UBR1: variants seen among roughly 807,000 people sequenced by gnomAD.
UBR1 encodes E3 ubiquitin-protein ligase UBR1.
In UBR1, 102 loss-of-function variants were observed where a neutral mutation model predicts 242.1. That is an observed-to-expected ratio of 0.42 (90% CI 0.36 to 0.50). The LOEUF (loss-of-function observed/expected upper bound fraction) is 0.50. Ranked by LOEUF, UBR1 falls within the 20% of genes least tolerant of loss-of-function variation. UBR1 has a pLI of 0.01. For missense variants in UBR1, 1,772 were observed against 2,101.8 expected, an observed-to-expected ratio of 0.84 and a Z score of 3.07; for synonymous variants, 675 against 684.8, an observed-to-expected ratio of 0.99 and a Z score of 0.22.
At chr15:42,949,170 A>G (rs2031786226) in intron 46 of UBR1, among the ~76,000 whole-genome samples, 1 of 151,232 alleles carries the variant, frequency 6.6e-6, no homozygotes, top group Non-Finnish European at 1.5e-5. Flanking sequence ...TCAGTAAACT[A>G]TTGCAAGGAC....
chr15:42,955,996 G>A (rs1476903564), intron 44 of UBR1, among the ~76,000 whole-genome samples: 1 of 152,098 alleles, frequency 6.6e-6, no homozygotes, highest in Non-Finnish European at 1.5e-5. Context: ...TTTTCCACTT[G>A]AAATTATCAG....
intron 33 of UBR1, 120 bp downstream of exon 33, chr15:42,998,048 A>G: frequency 1.1e-6 from 1 of 909,314 alleles, no homozygotes; most frequent in Non-Finnish European, 1.6e-6. Context: ...AAAAACTTCT[A>G]TTTCCTGATA....
At position 43,015,976 on chromosome 15, in the gene UBR1, C is replaced by A. The variant is rs1468534812; in HGVS notation, c.3028-107G>T. 5 of 946,258 alleles carry A rather than the reference C, an allele frequency of 5.3e-6. No homozygotes were observed. In the East Asian group the frequency reaches 1.0e-4, roughly 19 times the overall value. The allele number at this position is 946,258 out of a possible 1,614,324, so 58.6% of individuals were successfully genotyped here. A position where few individuals can be genotyped will look rare whatever the true frequency, so the allele number is the denominator to read the frequency against. Reference sequence around the variant, plus strand: ...GAATAAGATTCTGAAACCCTGATTACCCCTTACATCCTGGATTCAGTTTAA... The same window carrying A: ...GAATAAGATTCTGAAACCCTGATTAACCCTTACATCCTGGATTCAGTTTAA... On this transcript the variant is annotated intron_variant, in intron 28 of 46. Coordinates refer to ENST00000290650, the MANE Select transcript of UBR1 (RefSeq NM_174916.3).
chr15:43,085,150 T>C (rs1009607196), intron 2 of UBR1, among the ~76,000 whole-genome samples: 1 of 152,246 alleles, frequency 6.6e-6, no homozygotes, highest in African/African-American at 2.4e-5. Flanking sequence ...CTGAAAGGTT[T>C]TGGGATTGTA....
At chr15:43,038,042 T>C in intron 16 of UBR1, 129 bp downstream of exon 16, 1 of 1,228,672 alleles carries the variant, frequency 8.1e-7, no homozygotes, top group Non-Finnish European at 1.2e-6. Flanking sequence ...ATGTACTATA[T>C]GAAGATGTAA....
intron 15 of UBR1, among the ~76,000 whole-genome samples, chr15:43,039,522 T>A (rs2033388392): frequency 6.6e-6 from 1 of 152,234 alleles, no homozygotes; most frequent in South Asian, 2.1e-4. Context: ...TTTTGCACAT[T>A]GATTTTGTAT....
intron 35 of UBR1, among the ~76,000 whole-genome samples, chr15:42,987,543 G>T (rs990853296): frequency 1.3e-5 from 2 of 151,730 alleles, no homozygotes; most frequent in East Asian, 3.9e-4. Context: ...GTGAAACCCC[G>T]TCTCTACTAA....
At chr15:42,980,591 T>A (rs1261943664) in intron 37 of UBR1, among the ~76,000 whole-genome samples, 3 of 150,566 alleles carry the variant, frequency 2.0e-5, no homozygotes, top group Non-Finnish European at 4.4e-5. Context: ...TATCTATCTA[T>A]CCATCCATCC....
At position 43,034,509 on chromosome 15, in the gene UBR1, C is replaced by T. The variant is rs185940874; in HGVS notation, c.2190+1669G>A. On this transcript the variant is annotated intron_variant, in intron 19 of 46. Coordinates refer to ENST00000290650, the MANE Select transcript of UBR1 (RefSeq NM_174916.3). ...CTGAGACAACAAAGATAAAAAAGAC[C>T]AATGTCTTTATAGATGTACATACTG... 5.7e-4 allele frequency among the ~76,000 whole-genome samples: 87 copies of T among 151,650 alleles called. 1 individual carries two copies. Among genetic ancestry groups the T allele is most frequent in the Non-Finnish European group, 9.0e-4 (61 of 67,872 alleles).
intron 5 of UBR1, 36 bp from the exon 6 acceptor site, chr15:43,068,072 A>G (rs1287244802): frequency 6.8e-7 from 1 of 1,460,182 alleles, no homozygotes; most frequent in South Asian, 1.2e-5. Flanking sequence ...TGGATACTAC[A>G]ACAAATAAAG....
chr15:43,053,152 T>C (rs528758938), intron 12 of UBR1, among the ~76,000 whole-genome samples: 2 of 152,014 alleles, frequency 1.3e-5, no homozygotes, highest in African/African-American at 2.4e-5. Flanking sequence ...TATATTTAGG[T>C]TGGGATAGAG....
intron 20 of UBR1, among the ~76,000 whole-genome samples, chr15:43,032,182 C>T (rs1300360386): frequency 6.7e-6 from 1 of 150,090 alleles, no homozygotes; most frequent in African/African-American, 2.5e-5. Flanking sequence ...TTAATCTCAA[C>T]TGAATTTCTA....
At chr15:42,946,758 C>T (rs2031742190) in intron 46 of UBR1, among the ~76,000 whole-genome samples, 1 of 152,128 alleles carries the variant, frequency 6.6e-6, no homozygotes, top group Non-Finnish European at 1.5e-5. Flanking sequence ...ATCAGTAGGA[C>T]CCCAGTTCCT....
At chr15:43,059,630 A>T in intron 8 of UBR1, 72 bp downstream of exon 8, 1 of 1,549,116 alleles carries the variant, frequency 6.5e-7, no homozygotes, top group Non-Finnish European at 8.8e-7. Context: ...ATACTCAATG[A>T]CATTTTAAAA....
chr15:42,984,836 G>A lies in UBR1; in HGVS notation c.4053+51C>T, dbSNP rs1269268206. ...TTGTTTTTAATAATAAACTGTGGGG[G>A]GGAAAAAAGGCATGCCATGAGTTAC... On this transcript the variant is annotated intron_variant, in intron 36 of 46. Transcript: ENST00000290650. 3.4e-6 allele frequency: 5 copies of A among 1,470,800 alleles called. No homozygotes were observed. The South Asian group carries it at 5.8e-5, about 17-fold the overall frequency. 91.1% of individuals were successfully genotyped at this position (1,470,800 alleles called of 1,614,324 possible).
At chr15:42,989,794 C>T (rs976731336) in intron 34 of UBR1, among the ~76,000 whole-genome samples, 5 of 152,146 alleles carry the variant, frequency 3.3e-5, no homozygotes, top group African/African-American at 1.2e-4. Flanking sequence ...AGAGAACTGG[C>T]ATTTTTGTTG....
At chr15:43,018,973 T>G (rs1331496096) in intron 27 of UBR1, among the ~76,000 whole-genome samples, 1 of 152,240 alleles carries the variant, frequency 6.6e-6, no homozygotes, top group Non-Finnish European at 1.5e-5. Context: ...TACTTTCGTT[T>G]GATTTTATAA....
chr15:43,081,119 C>T (rs2033969445), intron 3 of UBR1, among the ~76,000 whole-genome samples: 1 of 151,986 alleles, frequency 6.6e-6, no homozygotes, highest in Non-Finnish European at 1.5e-5. Flanking sequence ...TGCATTTCCA[C>T]CAGTTATAAG....
intron 14 of UBR1, among the ~76,000 whole-genome samples, chr15:43,044,083 A>G (rs1312181320): frequency 1.3e-5 from 2 of 151,722 alleles, no homozygotes; most frequent in Admixed American, 1.3e-4. Context: ...AGACAAAAAT[A>G]AGAGAAATAC....
Sources: allele counts gnomAD v4.1 joint callset (sites outside exome capture counted in the v4.1 genomes callset), GRCh38; gene constraint gnomAD v4.1.1; transcripts MANE v1.5; gene names NCBI Gene and HGNC (gene_info 2026-07-23, HGNC 2026-07-21).